The following AFF3 variants were observed in gnomAD, a reference collection of about 807,000 sequenced individuals.
AFF3 encodes AF4/FMR2 family member 3.
Under a neutral mutation model 129.7 loss-of-function variants are expected in AFF3, and 32 were observed. The ratio of observed to expected loss-of-function variants is 0.25; its 90% CI spans 0.19 to 0.33. The LOEUF (loss-of-function observed/expected upper bound fraction) is 0.33, where lower values mean the gene tolerates loss of function less well. Among genes scored for constraint, AFF3 ranks in the 10% least tolerant of loss-of-function variants. AFF3 has a pLI of 1.00. For missense variants in AFF3, 1,373 were observed against 1,592.0 expected, an observed-to-expected ratio of 0.86 and a Z score of 2.34; for synonymous variants, 644 against 635.4, an observed-to-expected ratio of 1.01 and a Z score of -0.20.
chr2:99,849,426 G>T (rs148334986), intron 7 of AFF3, among the ~76,000 whole-genome samples: 2 of 152,268 alleles, frequency 1.3e-5, no homozygotes, highest in South Asian at 2.1e-4. Flanking sequence ...GGCGCAGTAG[G>T]CAGGAACATG....
intron 7 of AFF3, among the ~76,000 whole-genome samples, chr2:99,991,085 A>T (rs1333701165): frequency 6.6e-6 from 1 of 152,120 alleles, no homozygotes; most frequent in African/African-American, 2.4e-5. Context: ...CAAAGATACC[A>T]TGCTGCTCAC....
At chr2:99,758,084 C>A (rs560320877) in intron 8 of AFF3, among the ~76,000 whole-genome samples, 22 of 152,286 alleles carry the variant, frequency 1.4e-4, no homozygotes, top group Middle Eastern at 3.4e-3. Context: ...CTGAATTGAA[C>A]ATTCAGCAGT....
chr2:99,826,181 A>AT (rs1688066280), intron 8 of AFF3, among the ~76,000 whole-genome samples: 1 of 151,842 alleles, frequency 6.6e-6, no homozygotes. Flanking sequence ...TGCCCAGCTA[A>AT]TTTTTGTATT....
At chr2:99,685,217 A>G (rs977984376) in intron 11 of AFF3, among the ~76,000 whole-genome samples, 3 of 152,228 alleles carry the variant, frequency 2.0e-5, no homozygotes, top group African/African-American at 7.2e-5. Context: ...CTGGGATTAC[A>G]GGCCTGAGCC....
At position 99,562,434 on chromosome 2, in the gene AFF3, C is replaced by T. The variant is rs541434388; in HGVS notation, c.3120-1998G>A. ...ACTCTCTCCTGTCATCTCCACTCTA[C>T]TACTGAGTCCATTTTTGGGGTTTAT... On this transcript the variant is annotated intron_variant, in intron 20 of 24. Transcript: ENST00000672756. Among the ~76,000 whole-genome samples, 4 of 152,340 alleles carry T rather than the reference C, an allele frequency of 2.6e-5. No homozygotes were observed. In the South Asian group the frequency reaches 8.3e-4, roughly 32 times the overall value.
intron 7 of AFF3, among the ~76,000 whole-genome samples, chr2:99,944,140 A>G (rs1259599047): frequency 6.6e-6 from 1 of 152,110 alleles, no homozygotes; most frequent in Non-Finnish European, 1.5e-5. Context: ...GGCTCAAGCC[A>G]TCCTCCCGCC....
intron 7 of AFF3, among the ~76,000 whole-genome samples, chr2:99,965,818 C>T (rs564176131): frequency 1.6e-4 from 25 of 152,294 alleles, no homozygotes; most frequent in East Asian, 9.6e-4. Context: ...CTCAAGATGA[C>T]GGACATTCTT....
intron 12 of AFF3, 22 bp downstream of exon 12, chr2:99,672,516 A>G (rs2104460883): frequency 6.2e-7 from 1 of 1,609,516 alleles, no homozygotes; most frequent in Non-Finnish European, 8.5e-7. Flanking sequence ...CCAAAGGATG[A>G]TGACATAAAA....
chr2:99,856,842 G>T (rs958984715), intron 7 of AFF3, among the ~76,000 whole-genome samples: 1 of 151,960 alleles, frequency 6.6e-6, no homozygotes, highest in Non-Finnish European at 1.5e-5. Context: ...ATCTCTCAAA[G>T]GATTTTGGAG....
intron 13 of AFF3, among the ~76,000 whole-genome samples, chr2:99,618,693 C>T (rs1274471413): frequency 6.6e-6 from 1 of 152,148 alleles, no homozygotes; most frequent in Non-Finnish European, 1.5e-5. Context: ...TCACATTACC[C>T]ATCTGGTCAT....
chr2:99,662,471 T>C (rs989646032), intron 12 of AFF3, among the ~76,000 whole-genome samples: 1 of 152,196 alleles, frequency 6.6e-6, no homozygotes, highest in Non-Finnish European at 1.5e-5. Flanking sequence ...TATATACTTT[T>C]TGTATGGTCC....
At chr2:99,955,882 T>C (rs925348840) in intron 7 of AFF3, among the ~76,000 whole-genome samples, 5 of 152,200 alleles carry the variant, frequency 3.3e-5, no homozygotes, top group Non-Finnish European at 7.3e-5. Context: ...GAGAATTCTC[T>C]ACATAGAGGC....
chr2:99,985,267 A>C (rs1160474443), intron 7 of AFF3, among the ~76,000 whole-genome samples: 1 of 152,224 alleles, frequency 6.6e-6, no homozygotes, highest in Non-Finnish European at 1.5e-5. Flanking sequence ...TCTTGCAACT[A>C]AATTTATTTT....
At chr2:100,042,088 C>T (rs926785535) in intron 4 of AFF3, among the ~76,000 whole-genome samples, 4 of 152,168 alleles carry the variant, frequency 2.6e-5, no homozygotes, top group Non-Finnish European at 5.9e-5. Flanking sequence ...CCCGGCCCCA[C>T]CATCACTCAT....
chr2:99,649,684 C>T lies in AFF3; in HGVS notation c.1144-18G>A. On this transcript the variant is annotated intron_variant, in intron 12 of 24. Coordinates refer to ENST00000672756, the MANE Select transcript of AFF3 (RefSeq NM_001386135.1). ...GCTGCCTGCTGGAAGAAAGAAAGGG[C>T]AGAGATGTTTATTTAATATTCTGAC... 2 of 1,613,838 alleles carry T rather than the reference C, an allele frequency of 1.2e-6. No individual in the cohort carries two copies. The highest frequency in any genetic ancestry group is 1.7e-4 in the Middle Eastern group (1 of 6,060).
At chr2:99,806,653 C>A (rs1165916020) in intron 8 of AFF3, among the ~76,000 whole-genome samples, 1 of 152,144 alleles carries the variant, frequency 6.6e-6, no homozygotes, top group African/African-American at 2.4e-5. Flanking sequence ...AGCAGACCTA[C>A]TAGTCACAGG....
chr2:99,759,191 A>C (rs985538438), intron 8 of AFF3, among the ~76,000 whole-genome samples: 8 of 151,756 alleles, frequency 5.3e-5, no homozygotes, highest in African/African-American at 1.9e-4. Context: ...TTTCTCTTAC[A>C]TTCTGTTTTG....
At chr2:99,900,263 C>G (rs1485646866) in intron 7 of AFF3, among the ~76,000 whole-genome samples, 1 of 151,960 alleles carries the variant, frequency 6.6e-6, no homozygotes, top group African/African-American at 2.4e-5. Flanking sequence ...TAATTTCAGC[C>G]CAATAAAGAC....
intron 7 of AFF3, among the ~76,000 whole-genome samples, chr2:99,866,671 C>T (rs1015149319): frequency 5.3e-5 from 8 of 151,972 alleles, no homozygotes; most frequent in South Asian, 4.1e-4. Flanking sequence ...GGCTTCAAGG[C>T]GGGATAAAAA....
Sources: gnomAD v4.1 joint callset for allele counts (sites outside exome capture counted in the v4.1 genomes callset) on GRCh38, gnomAD v4.1.1 for gene constraint, MANE v1.5 for transcripts, NCBI Gene and HGNC (gene_info 2026-07-23, HGNC 2026-07-21) for gene names.